The following SLC25A12 variants were observed in gnomAD, a reference collection of about 807,000 sequenced individuals.
SLC25A12 encodes electrogenic aspartate/glutamate antiporter SLC25A12, mitochondrial.
In SLC25A12, 32 loss-of-function variants were observed where a neutral mutation model predicts 83.3. The observed-to-expected ratio is 0.38, with a 90% CI of 0.29 to 0.52. SLC25A12 has a LOEUF of 0.52. SLC25A12 is among the 20% of genes least tolerant of loss of function. The pLI, the probability that SLC25A12 is intolerant of heterozygous loss-of-function variation, is 0.84. For synonymous variants in SLC25A12, 267 were observed against 291.1 expected (o/e 0.92, Z 0.84); for missense variants, 611 against 835.6 (o/e 0.73, Z 3.31).
intron 13 of SLC25A12, among the ~76,000 whole-genome samples, chr2:171,805,054 G>A (rs979619242): frequency 2.0e-5 from 3 of 151,944 alleles, no homozygotes; most frequent in Admixed American, 6.6e-5. Context: ...TGTATGGTAC[G>A]TTAAGTATAT....
intron 2 of SLC25A12, among the ~76,000 whole-genome samples, chr2:171,882,325 G>A (rs900436237): frequency 2.0e-5 from 3 of 152,176 alleles, no homozygotes; most frequent in Non-Finnish European, 4.4e-5. Flanking sequence ...GTGAGCATGT[G>A]AACCAGATCT....
intron 5 of SLC25A12, among the ~76,000 whole-genome samples, chr2:171,842,368 G>A (rs143224247): frequency 1.1e-3 from 169 of 152,144 alleles, no homozygotes; most frequent in Middle Eastern, 3.4e-3. Flanking sequence ...TGAGGTGGGT[G>A]GATCACCTGA....
At chr2:171,789,238 C>CT (rs912606831) in intron 15 of SLC25A12, among the ~76,000 whole-genome samples, 132 of 149,418 alleles carry the variant, frequency 8.8e-4, no homozygotes, top group African/African-American at 2.3e-3. Context: ...GCCTGACTCT[C>CT]TTTTTTTTTT....
intron 9 of SLC25A12, among the ~76,000 whole-genome samples, chr2:171,815,439 C>A (rs1684031928): frequency 6.6e-6 from 1 of 152,164 alleles, no homozygotes; most frequent in Non-Finnish European, 1.5e-5. Flanking sequence ...AGGCCAAATA[C>A]ACAGTAGCTT....
At chr2:171,841,789 T>G (rs543424696) in intron 5 of SLC25A12, among the ~76,000 whole-genome samples, 1 of 152,114 alleles carries the variant, frequency 6.6e-6, no homozygotes, top group Admixed American at 6.5e-5. Context: ...AAAGAAGAGA[T>G]AAAATGCAGC....
chr2:171,826,539 G>T (rs190303749), intron 9 of SLC25A12, among the ~76,000 whole-genome samples: 6 of 152,224 alleles, frequency 3.9e-5, no homozygotes, highest in Admixed American at 3.9e-4. Context: ...AACCCAGAAG[G>T]CAGAGGTTGC....
chr2:171,882,747 A>G (rs1049005516), intron 2 of SLC25A12, among the ~76,000 whole-genome samples: 1 of 152,234 alleles, frequency 6.6e-6, no homozygotes, highest in Non-Finnish European at 1.5e-5. Flanking sequence ...AGATGCTTTC[A>G]GAAATTTCCA....
intron 13 of SLC25A12, among the ~76,000 whole-genome samples, chr2:171,794,539 G>A (rs568137679): frequency 3.8e-4 from 57 of 150,210 alleles, no homozygotes; most frequent in Non-Finnish European, 5.9e-4. Flanking sequence ...ACAGAGATTT[G>A]AATTTGGATA....
intron 3 of SLC25A12, among the ~76,000 whole-genome samples, chr2:171,859,255 C>T (rs754268301): frequency 1.3e-5 from 2 of 152,098 alleles, no homozygotes; most frequent in Non-Finnish European, 2.9e-5. Context: ...AGATATATCA[C>T]GAGATATATA....
At chr2:171,795,242 G>A (rs1346673564) in intron 13 of SLC25A12, among the ~76,000 whole-genome samples, 2 of 152,024 alleles carry the variant, frequency 1.3e-5, no homozygotes, top group Admixed American at 6.5e-5. Flanking sequence ...TCCTCAACTC[G>A]ACACAATCCA....
At chr2:171,892,408 G>A (rs920680003) in intron 2 of SLC25A12, among the ~76,000 whole-genome samples, 2 of 152,094 alleles carry the variant, frequency 1.3e-5, no homozygotes, top group East Asian at 1.9e-4. Flanking sequence ...TGTATTTTTA[G>A]TAGAGACGGG....
chr2:171,851,207 T>A, intron 4 of SLC25A12, among the ~76,000 whole-genome samples: 1 of 151,914 alleles, frequency 6.6e-6, no homozygotes. Flanking sequence ...TTGTTTTTTT[T>A]TTTGGAGACG....
At chr2:171,789,513 C>G (rs1042020835) in intron 15 of SLC25A12, among the ~76,000 whole-genome samples, 1 of 152,130 alleles carries the variant, frequency 6.6e-6, no homozygotes, top group African/African-American at 2.4e-5. Context: ...CAGGAATGAG[C>G]CACCAAGCTC....
chr2:171,793,806 A>T, intron 13 of SLC25A12, 39 bp from the exon 14 acceptor site: 1 of 1,613,640 alleles, frequency 6.2e-7, no homozygotes, highest in Non-Finnish European at 8.5e-7. Flanking sequence ...ATTCCACATC[A>T]GAGCCCGACT....
At chr2:171,849,363 A>C (rs545624731) in intron 4 of SLC25A12, among the ~76,000 whole-genome samples, 343 of 152,008 alleles carry the variant, frequency 2.3e-3, no homozygotes, top group African/African-American at 7.7e-3. Flanking sequence ...AAAGCAAAAA[A>C]CAAAAAACTT....
chr2:171,877,894 G>A (rs991911822), intron 2 of SLC25A12, among the ~76,000 whole-genome samples: 1 of 152,022 alleles, frequency 6.6e-6, no homozygotes, highest in Non-Finnish European at 1.5e-5. Context: ...ATCTCTAAAA[G>A]ATATTCCAGA....
chr2:171,849,285 A>G (rs980044365), intron 4 of SLC25A12, among the ~76,000 whole-genome samples: 10 of 152,024 alleles, frequency 6.6e-5, no homozygotes, highest in South Asian at 2.1e-4. Context: ...ATAAAAACTA[A>G]TAACACTCCA....
At chr2:171,814,817 A>C (rs1000462941) in intron 10 of SLC25A12, among the ~76,000 whole-genome samples, 1 of 152,204 alleles carries the variant, frequency 6.6e-6, no homozygotes, top group Non-Finnish European at 1.5e-5. Flanking sequence ...TCCCATAAAC[A>C]CAGTCTCATT....
chr2:171,789,428 C>A (rs1406586817), intron 15 of SLC25A12, among the ~76,000 whole-genome samples: 1 of 152,094 alleles, frequency 6.6e-6, no homozygotes, highest in Non-Finnish European at 1.5e-5. Context: ...CGGGGTTTCA[C>A]CGTGTTAGCC....
Sources: allele counts gnomAD v4.1 joint callset (sites outside exome capture counted in the v4.1 genomes callset), GRCh38; gene constraint gnomAD v4.1.1; transcripts MANE v1.5; gene names NCBI Gene and HGNC (gene_info 2026-07-23, HGNC 2026-07-21).